The following CNTLN variants were observed in gnomAD, a reference collection of about 807,000 sequenced individuals.
The protein encoded by CNTLN is centlein.
In CNTLN, 212 loss-of-function variants were observed where a neutral mutation model predicts 180.0. The ratio of observed to expected loss-of-function variants is 1.18; its 90% CI spans 1.05 to 1.32. The LOEUF is 1.32. Ranked by LOEUF, CNTLN falls within the 40% of genes most tolerant of loss-of-function variation. CNTLN has a pLI of 0.00. For missense variants in CNTLN, 2,095 were observed against 1,610.9 expected, an observed-to-expected ratio of 1.30 and a Z score of -5.14; for synonymous variants, 722 against 563.1, an observed-to-expected ratio of 1.28 and a Z score of -3.99.
rs537633227 is a variant in CNTLN at position 17,328,232 on chromosome 9, A to G, written c.1342-2400A>G. ...TAAATTAAAGGTTTGGTACATTTTTATGAGCTTTGATGCATCTTTCATAAT... is the reference window on the plus strand; with the variant it reads ...TAAATTAAAGGTTTGGTACATTTTTGTGAGCTTTGATGCATCTTTCATAAT... On this transcript the variant is annotated intron_variant, in intron 8 of 25. Coordinates refer to ENST00000380647, the MANE Select transcript of CNTLN (RefSeq NM_017738.4). Among the ~76,000 whole-genome samples, 5 of 152,280 alleles carry G rather than the reference A, an allele frequency of 3.3e-5. No homozygotes were observed. The South Asian group carries it at 1.0e-3, about 32-fold the overall frequency.
At chr9:17,346,746 C>G (rs896643967) in intron 12 of CNTLN, among the ~76,000 whole-genome samples, 1 of 152,108 alleles carries the variant, frequency 6.6e-6, no homozygotes, top group Non-Finnish European at 1.5e-5. Context: ...TCTTGAATCC[C>G]TAGGTTTGTG....
At chr9:17,374,464 C>G (rs1208568262) in intron 13 of CNTLN, among the ~76,000 whole-genome samples, 1 of 152,136 alleles carries the variant, frequency 6.6e-6, no homozygotes, top group East Asian at 1.9e-4. Context: ...CAGGCAATAA[C>G]AAATGCTGGG....
At chr9:17,355,902 A>C (rs934109336) in intron 12 of CNTLN, among the ~76,000 whole-genome samples, 3 of 151,932 alleles carry the variant, frequency 2.0e-5, no homozygotes, top group Admixed American at 2.0e-4. Flanking sequence ...GTCTCTACTA[A>C]AAATACAAAA....
chr9:17,437,263 C>G (rs1035511655), intron 18 of CNTLN, among the ~76,000 whole-genome samples: 1 of 152,170 alleles, frequency 6.6e-6, no homozygotes, highest in Non-Finnish European at 1.5e-5. Flanking sequence ...CTATATTAGA[C>G]TTTGTAGGAA....
the CNTLN span, among the ~76,000 whole-genome samples, chr9:17,523,511 A>G: frequency 6.6e-6 from 1 of 152,182 alleles, no homozygotes; most frequent in African/African-American, 2.4e-5. Flanking sequence ...TGCTGGGATT[A>G]CAGGTGTGCG....
chr9:17,462,944 C>G lies in CNTLN; in HGVS notation c.3335C>G (p.Ser1112Ter), dbSNP rs757657869. The G allele has an allele frequency of 6.3e-7, 1 of 1,577,626 alleles. No homozygotes were observed. The change falls in exon 20 of 26, where the codon TCA becomes TGA. Residue 1112 changes from serine to a stop codon, truncating the protein, a stop_gained. Transcript: ENST00000380647. LOFTEE classifies it high-confidence loss of function. ...GCTACTAATGAACTCACTAAACAGT[C>G]ATCAAATGTGAAGACTTTGAAATTT... ...KNATNELTKQ[S>*]SNVKTLKFEL...
At position 17,340,897 on chromosome 9, in the gene CNTLN, A is replaced by G. The variant is rs1233735733; in HGVS notation, c.1715A>G (p.Asn572Ser). ...RKERLQMLQT[N>S]YRAVKEQLKQ... ...GAACGGCTACAGATGTTACAGACCA[A>G]CTACAGAGCAGTAAAAGAGCAATTA... is the stretch of plus-strand genomic sequence containing the variant. Residue 572 changes from asparagine to serine, a missense_variant, in exon 11 of 26, where the codon AAC becomes AGC. Physicochemically the swap from Asn to Ser is conservative, Grantham distance 46 (BLOSUM62 1). Transcript: ENST00000380647. 2 of 1,612,322 alleles carry G rather than the reference A, an allele frequency of 1.2e-6. No individual in the cohort carries two copies. The highest frequency in any genetic ancestry group is 1.7e-6 in the Non-Finnish European group (2 of 1,179,098).
At chr9:17,137,264 A>G (rs1189813020) in intron 1 of CNTLN, among the ~76,000 whole-genome samples, 1 of 152,208 alleles carries the variant, frequency 6.6e-6, no homozygotes, top group African/African-American at 2.4e-5. Flanking sequence ...AATTGTAGGC[A>G]GTATCCCGCA....
At chr9:17,293,161 C>A (rs138747674) in intron 6 of CNTLN, among the ~76,000 whole-genome samples, 4 of 152,320 alleles carry the variant, frequency 2.6e-5, no homozygotes, top group African/African-American at 9.6e-5. Flanking sequence ...CTGGGATCTT[C>A]GTCCCAGAGG....
chr9:17,474,741 GCCTGTAATC>G (rs1447126181), intron 23 of CNTLN, among the ~76,000 whole-genome samples: 1 of 151,916 alleles, frequency 6.6e-6, no homozygotes, highest in Non-Finnish European at 1.5e-5. Context: ...GGTGGCAAGC[GCCTGTAATC>G]CCTGCTACTT....
At chr9:17,306,836 GA>G (rs1383129104) in intron 7 of CNTLN, among the ~76,000 whole-genome samples, 1 of 152,086 alleles carries the variant, frequency 6.6e-6, no homozygotes, top group Non-Finnish European at 1.5e-5. Context: ...TAATGCACCC[GA>G]GATTAGAAAG....
chr9:17,491,166 C>G (rs1044462036), intron 25 of CNTLN, among the ~76,000 whole-genome samples: 1 of 151,950 alleles, frequency 6.6e-6, no homozygotes, highest in African/African-American at 2.4e-5. Flanking sequence ...GCACTTGTGA[C>G]TTTATAAAGG....
chr9:17,476,905 G>A (rs1455839705), intron 23 of CNTLN, among the ~76,000 whole-genome samples: 1 of 152,212 alleles, frequency 6.6e-6, no homozygotes, highest in Admixed American at 6.5e-5. Context: ...TCTATTGGAA[G>A]AAGATGGCAT....
chr9:17,162,569 C>T (rs1362597842), intron 2 of CNTLN, among the ~76,000 whole-genome samples: 1 of 152,144 alleles, frequency 6.6e-6, no homozygotes, highest in African/African-American at 2.4e-5. Context: ...ATGAAGAGAA[C>T]TGGAATAGTG....
chr9:17,417,173 A>G (rs1290239153), intron 18 of CNTLN, among the ~76,000 whole-genome samples: 3 of 152,126 alleles, frequency 2.0e-5, no homozygotes, highest in Non-Finnish European at 4.4e-5. Context: ...ACTGAGCTCT[A>G]TGTTAGAATT....
chr9:17,358,553 C>A (rs1823038558), intron 12 of CNTLN, among the ~76,000 whole-genome samples: 1 of 151,910 alleles, frequency 6.6e-6, no homozygotes, highest in African/African-American at 2.4e-5. Flanking sequence ...ATACATATAT[C>A]AAAAATCAAA....
chr9:17,265,379 T>C (rs1470787023), intron 5 of CNTLN, among the ~76,000 whole-genome samples: 3 of 152,176 alleles, frequency 2.0e-5, no homozygotes, highest in Non-Finnish European at 2.9e-5. Flanking sequence ...CCTTGCATTC[T>C]AGGGATGAAG....
chr9:17,171,502 G>C (rs1324922573), intron 2 of CNTLN, among the ~76,000 whole-genome samples: 1 of 152,176 alleles, frequency 6.6e-6, no homozygotes, highest in African/African-American at 2.4e-5. Context: ...TGCAGGGGGA[G>C]CGAGGGCTTT....
chr9:17,263,193 TC>T (rs1161507020), intron 5 of CNTLN, among the ~76,000 whole-genome samples: 3 of 45,008 alleles, frequency 6.7e-5, no homozygotes, highest in African/African-American at 1.9e-4. Context: ...CCCTCCCCCC[TC>T]CCCCCACCCC....
Sources: allele counts gnomAD v4.1 joint callset (sites outside exome capture counted in the v4.1 genomes callset), GRCh38; gene constraint gnomAD v4.1.1; transcripts MANE v1.5; gene names NCBI Gene and HGNC (gene_info 2026-07-23, HGNC 2026-07-21).